The following WWP2 variants were observed in gnomAD, a reference collection of about 807,000 sequenced individuals.
WWP2 encodes the protein NEDD4-like E3 ubiquitin-protein ligase WWP2.
In WWP2, 57 loss-of-function variants were observed where a neutral mutation model predicts 121.0. The ratio of observed to expected loss-of-function variants is 0.47; its 90% CI spans 0.38 to 0.59. WWP2 has a LOEUF of 0.59. Ranked by LOEUF, WWP2 falls within the 20% of genes least tolerant of loss-of-function variation. The pLI, the probability that WWP2 is intolerant of heterozygous loss-of-function variation, is 0.00. For synonymous variants in WWP2, 449 were observed against 441.3 expected, an observed-to-expected ratio of 1.02 and a Z score of -0.22; for missense variants, 962 against 1,158.9, an observed-to-expected ratio of 0.83 and a Z score of 2.47.
At chr16:69,884,154 A>T (rs1300937912) in intron 7 of WWP2, among the ~76,000 whole-genome samples, 2 of 152,238 alleles carry the variant, frequency 1.3e-5, no homozygotes, top group Non-Finnish European at 2.9e-5. Flanking sequence ...AAAAACACAC[A>T]CATGTGTATG....
chr16:69,909,371 G>A (rs1472100620), intron 9 of WWP2: 1 of 986,370 alleles, frequency 1.0e-6, no homozygotes, highest in East Asian at 1.1e-4. Flanking sequence ...TAGCCATGAA[G>A]GGCTCCTGTA....
At chr16:69,765,976 C>G (rs931628761) in intron 1 of WWP2, among the ~76,000 whole-genome samples, 1 of 152,124 alleles carries the variant, frequency 6.6e-6, no homozygotes, top group Non-Finnish European at 1.5e-5. Flanking sequence ...TCTCTTAACT[C>G]TAAATACTAT....
At chr16:69,777,675 T>A (rs1462442530) in intron 1 of WWP2, among the ~76,000 whole-genome samples, 1 of 151,998 alleles carries the variant, frequency 6.6e-6, no homozygotes, top group Non-Finnish European at 1.5e-5. Flanking sequence ...ACCCTATTAG[T>A]TTGTATTTTA....
At chr16:69,931,098 T>C in intron 13 of WWP2, 54 bp from the exon 14 acceptor site, 6 of 1,572,950 alleles carry the variant, frequency 3.8e-6, no homozygotes, top group Non-Finnish European at 5.2e-6. Context: ...CAAAGACAAA[T>C]TGTTCATTTT....
At position 69,865,195 on chromosome 16, in the gene WWP2, G is replaced by T. The variant is rs28882509; in HGVS notation, c.576-6609G>T. Among the ~76,000 whole-genome samples the T allele has an allele frequency of 9.8e-3, 1,481 of 151,750 alleles. 32 individuals carry two copies. Among genetic ancestry groups the T allele is most frequent in the African/African-American group, 0.032 (1,344 of 41,374 alleles). ...CTTCCAAGTAGCTGGGACTACAGGC[G>T]CTTGCCACCATAACTAGCAAATTTT... On this transcript the variant is annotated intron_variant, in intron 6 of 23. Transcript: ENST00000359154.
chr16:69,925,615 C>A lies in WWP2; in HGVS notation c.1234+131C>A. On this transcript the variant is annotated intron_variant, in intron 11 of 23. Coordinates refer to ENST00000359154, the MANE Select transcript of WWP2 (RefSeq NM_001270454.2). This position sits in a 1 kb window ranked among gnomAD's most constrained non-coding sequence, Gnocchi z 4.0. ...ATCTCTCCCCTCTCCAGCACACTCT[C>A]TGGGCATGCCCCACCAGAGCAATTA... 1 of 1,230,924 alleles carries A rather than the reference C, an allele frequency of 8.1e-7. No individual in the cohort carries two copies. The highest frequency in any genetic ancestry group is 1.1e-6 in the Non-Finnish European group (1 of 900,156). 76.3% of individuals were successfully genotyped at this position (1,230,924 alleles called of 1,614,324 possible).
At chr16:69,778,883 C>T (rs570727354) in intron 1 of WWP2, among the ~76,000 whole-genome samples, 49 of 151,160 alleles carry the variant, frequency 3.2e-4, no homozygotes, top group South Asian at 8.4e-4. Context: ...TCAAGTGATC[C>T]GCATGCCTGA....
At chr16:69,930,730 G>A (rs1028208524) in intron 13 of WWP2, among the ~76,000 whole-genome samples, 10 of 152,012 alleles carry the variant, frequency 6.6e-5, no homozygotes, top group Non-Finnish European at 1.2e-4. Flanking sequence ...AAATTAGCTC[G>A]GTGTGGTAGC....
chr16:69,875,852 TC>T (rs2057725853), intron 7 of WWP2, among the ~76,000 whole-genome samples: 1 of 152,238 alleles, frequency 6.6e-6, no homozygotes, highest in Non-Finnish European at 1.5e-5. Context: ...TTGAGCTTCT[TC>T]CAAACTCCTG....
intron 1 of WWP2, among the ~76,000 whole-genome samples, chr16:69,769,944 G>A (rs981259441): frequency 4.0e-5 from 6 of 149,988 alleles, no homozygotes; most frequent in African/African-American, 9.8e-5. Flanking sequence ...GCATAATCTC[G>A]GCTCGCTGCA....
intron 6 of WWP2, 93 bp from the exon 7 acceptor site, chr16:69,871,711 G>A (rs2057639471): frequency 6.5e-7 from 1 of 1,539,664 alleles, no homozygotes; most frequent in Non-Finnish European, 8.8e-7. Flanking sequence ...CCAATAAATG[G>A]CAGGAGAAGG....
chr16:69,810,547 C>A (rs2056371232), intron 4 of WWP2, among the ~76,000 whole-genome samples: 1 of 149,344 alleles, frequency 6.7e-6, no homozygotes, highest in African/African-American at 2.5e-5. Flanking sequence ...CCTGCCTCAG[C>A]CTCCCGAGTA....
chr16:69,883,595 C>A (rs1337455606), intron 7 of WWP2, among the ~76,000 whole-genome samples: 1 of 152,012 alleles, frequency 6.6e-6, no homozygotes, highest in African/African-American at 2.4e-5. Flanking sequence ...TTCCGGGGTA[C>A]GTGTACAGGA....
intron 8 of WWP2, among the ~76,000 whole-genome samples, chr16:69,894,111 TGTC>T (rs1260045804): frequency 6.6e-6 from 1 of 151,942 alleles, no homozygotes; most frequent in Admixed American, 6.6e-5. Context: ...AGTCTCGCTC[TGTC>T]ACCCAGGCTG....
chr16:69,845,917 G>T (rs1045179368), intron 6 of WWP2, among the ~76,000 whole-genome samples: 1 of 151,386 alleles, frequency 6.6e-6, no homozygotes, highest in Non-Finnish European at 1.5e-5. Flanking sequence ...AGGCATGGTG[G>T]TGTGTGCCTA....
At chr16:69,785,033 C>T (rs1244411316) in intron 1 of WWP2, among the ~76,000 whole-genome samples, 3 of 151,272 alleles carry the variant, frequency 2.0e-5, no homozygotes, top group Non-Finnish European at 2.9e-5. Flanking sequence ...GTTAGGAGTT[C>T]GAGACCAGCT....
chr16:69,849,552 G>A (rs2057161675), intron 6 of WWP2, among the ~76,000 whole-genome samples: 1 of 152,024 alleles, frequency 6.6e-6, no homozygotes. Flanking sequence ...CAAAGTCCCT[G>A]CTTGTAGGCA....
chr16:69,884,975 T>A (rs2057897012), intron 7 of WWP2, among the ~76,000 whole-genome samples: 1 of 152,200 alleles, frequency 6.6e-6, no homozygotes, highest in Admixed American at 6.5e-5. Context: ...TGAACTTTCT[T>A]ATTAATTGAC....
intron 6 of WWP2, among the ~76,000 whole-genome samples, chr16:69,845,973 C>CTGGGAGGCGG (rs1363027404): frequency 7.5e-6 from 1 of 133,742 alleles, no homozygotes. Context: ...TTGCCTGAAC[C>CTGGGAGGCGG]TGGGAGGCGG....
Sources: gnomAD v4.1 joint callset for allele counts (sites outside exome capture counted in the v4.1 genomes callset) on GRCh38, gnomAD v4.1.1 for gene constraint, Gnocchi (gnomAD v3.1) non-coding constraint, MANE v1.5 for transcripts, NCBI Gene and HGNC (gene_info 2026-07-23, HGNC 2026-07-21) for gene names.